Variants in DSCAML1 observed in about 807,000 individuals in gnomAD.
DSCAML1 encodes the protein DS cell adhesion molecule like 1.
Under a neutral mutation model 200.5 loss-of-function variants are expected in DSCAML1, and 38 were observed. The ratio of observed to expected loss-of-function variants is 0.19; its 90% confidence interval spans 0.15 to 0.25. The LOEUF (loss-of-function observed/expected upper bound fraction) is 0.25. Among genes scored for constraint, DSCAML1 ranks in the 10% least tolerant of loss-of-function variants. The pLI is 1.00. For synonymous variants in DSCAML1, 1,215 were observed against 1,165.0 expected, an observed-to-expected ratio of 1.04 and a Z score of -0.87; for missense variants, 2,223 against 2,858.8, an observed-to-expected ratio of 0.78 and a Z score of 5.07.
At chr11:117,500,151 C>G (rs2137266469) in intron 11 of DSCAML1, among the ~76,000 whole-genome samples, 1 of 152,352 alleles carries the variant, frequency 6.6e-6, no homozygotes, top group South Asian at 2.1e-4. Flanking sequence ...TGGCCCTTGT[C>G]CAAATACTTC....
At chr11:117,467,482 CAATT>C (rs978097648) in intron 16 of DSCAML1, among the ~76,000 whole-genome samples, 5 of 151,926 alleles carry the variant, frequency 3.3e-5, no homozygotes, top group African/African-American at 4.8e-5. Flanking sequence ...GAGATAAAAA[CAATT>C]AAGTTAGTAA....
intron 3 of DSCAML1, among the ~76,000 whole-genome samples, chr11:117,560,228 G>C (rs2050636495): frequency 6.6e-6 from 1 of 152,104 alleles, no homozygotes; most frequent in South Asian, 2.1e-4. Context: ...CATTTGTTGA[G>C]TGCCTACTTT....
intron 3 of DSCAML1, among the ~76,000 whole-genome samples, chr11:117,757,765 C>A (rs1353828883): frequency 6.6e-6 from 1 of 151,882 alleles, no homozygotes; most frequent in African/African-American, 2.4e-5. Context: ...CTGAGGCGGG[C>A]GGATCACCTG....
At chr11:117,644,933 A>G (rs1287153728) in intron 3 of DSCAML1, among the ~76,000 whole-genome samples, 1 of 152,306 alleles carries the variant, frequency 6.6e-6, no homozygotes, top group Non-Finnish European at 1.5e-5. Flanking sequence ...AGGAAAGAAA[A>G]AGCACACTCA....
chr11:117,626,011 T>C (rs1186932618), intron 3 of DSCAML1, among the ~76,000 whole-genome samples: 1 of 152,230 alleles, frequency 6.6e-6, no homozygotes, highest in Non-Finnish European at 1.5e-5. Flanking sequence ...TGTCTCCAGG[T>C]AGGTTCTATG....
chr11:117,780,274 A>AAG lies in DSCAML1; in HGVS notation c.364+217_364+218dup, dbSNP rs1192038019. Among the ~76,000 whole-genome samples the AAG allele has an allele frequency of 6.3e-5, 6 of 95,858 alleles. No individual in the cohort carries two copies. The highest frequency in any genetic ancestry group is 2.0e-4 in the African/African-American group (6 of 30,494). 62.9% of individuals were successfully genotyped at this position (95,858 alleles called of 152,430 possible). A position where few individuals can be genotyped will look rare whatever the true frequency, so the allele number is the denominator to read the frequency against. Reference sequence around the variant, plus strand: ...AAAGAAAGAAAGAAAGAAAGAAAGAAAGAAAGAAAGAAAGAAAGAAAGAAA... The same window carrying AAG: ...AAAGAAAGAAAGAAAGAAAGAAAGAAAGAGAAAGAAAGAAAGAAAGAAAGAAA... On this transcript the variant is annotated intron_variant, in intron 2 of 32. Transcript: ENST00000651296. This position sits in a 1 kb window ranked among gnomAD's most constrained non-coding sequence, Gnocchi z 4.8.
At chr11:117,446,061 T>C (rs2048171746) in intron 20 of DSCAML1, among the ~76,000 whole-genome samples, 1 of 152,122 alleles carries the variant, frequency 6.6e-6, no homozygotes, top group Admixed American at 6.5e-5. Context: ...AAAACTATGA[T>C]ACATCAAAAA....
In DSCAML1 at chr11:117,504,105, C is replaced by G. The variant is rs2049447229; in HGVS notation, c.2183-84G>C. Reference sequence around the variant, plus strand: ...CCCCAGGAGTGGCCCTGACACCTCGCTCTTGCAGATCTAGGGCCATTTTGT... The same window carrying G: ...CCCCAGGAGTGGCCCTGACACCTCGGTCTTGCAGATCTAGGGCCATTTTGT... On this transcript the variant is annotated intron_variant, in intron 10 of 32. Transcript: ENST00000651296. The surrounding 1 kb of genome is among the most constrained non-coding windows in gnomAD (Gnocchi z 5.0). 3.4e-6 allele frequency: 5 copies of G among 1,491,670 alleles called. No homozygotes were observed. Among genetic ancestry groups the G allele is most frequent in the Non-Finnish European group, 4.6e-6 (5 of 1,093,860 alleles). The allele number at this position is 1,491,670 out of a possible 1,614,324, so 92.4% of individuals were successfully genotyped here.
intron 3 of DSCAML1, among the ~76,000 whole-genome samples, chr11:117,742,787 AG>A (rs1293795512): frequency 6.6e-6 from 1 of 151,666 alleles, no homozygotes; most frequent in African/African-American, 2.4e-5. Context: ...AAATATTTGG[AG>A]GAGAAGGCTG....
intron 3 of DSCAML1, among the ~76,000 whole-genome samples, chr11:117,591,870 T>A (rs1478667915): frequency 6.6e-6 from 1 of 152,198 alleles, no homozygotes; most frequent in Non-Finnish European, 1.5e-5. Context: ...CCTCACCAGG[T>A]CAGCCCAGGC....
In DSCAML1 at chr11:117,740,086, C is replaced by A. The variant is rs571979613; in HGVS notation, c.511+36705G>T. Among the ~76,000 whole-genome samples the A allele has an allele frequency of 1.9e-3, 282 of 152,152 alleles. 2 individuals are homozygous for A. Among genetic ancestry groups the A allele is most frequent in the Non-Finnish European group, 3.0e-3 (206 of 68,046 alleles). ...AACCAGATGTAGGCAAGAGAATGGG[C>A]ACCTTCAAGAGAGAGGGGCTCCTTG... is the stretch of plus-strand genomic sequence containing the variant. On this transcript the variant is annotated intron_variant, in intron 3 of 32. Coordinates refer to ENST00000651296, the MANE Select transcript of DSCAML1 (RefSeq NM_020693.4).
At chr11:117,663,147 C>T (rs1006217425) in intron 3 of DSCAML1, among the ~76,000 whole-genome samples, 1 of 152,184 alleles carries the variant, frequency 6.6e-6, no homozygotes, top group African/African-American at 2.4e-5. Context: ...CTCTCAGACC[C>T]ATGGCATTGC....
intron 17 of DSCAML1, 29 bp downstream of exon 17, chr11:117,464,913 T>C: frequency 6.2e-7 from 1 of 1,607,688 alleles, no homozygotes; most frequent in Non-Finnish European, 8.5e-7. Flanking sequence ...CAGGAATCTG[T>C]GCCCACTCCC....
intron 3 of DSCAML1, among the ~76,000 whole-genome samples, chr11:117,601,009 C>T (rs1329152802): frequency 6.6e-6 from 1 of 152,182 alleles, no homozygotes; most frequent in African/African-American, 2.4e-5. Context: ...CCCACCTCCT[C>T]AGCTGGATTT....
chr11:117,558,319 G>A (rs479591), intron 3 of DSCAML1, among the ~76,000 whole-genome samples: 98,075 of 152,002 alleles, frequency 0.65, 32,942 homozygotes, highest in African/African-American at 0.84. Context: ...CCCAAAACAT[G>A]GAAATAAAGG....
At chr11:117,793,770 T>C (rs1176312946) in intron 1 of DSCAML1, among the ~76,000 whole-genome samples, 1 of 152,234 alleles carries the variant, frequency 6.6e-6, no homozygotes, top group Non-Finnish European at 1.5e-5. Context: ...CCTTTGGGTC[T>C]ACTGCTTACT....
At chr11:117,755,530 C>T (rs571354379) in intron 3 of DSCAML1, among the ~76,000 whole-genome samples, 10 of 152,336 alleles carry the variant, frequency 6.6e-5, no homozygotes, top group Admixed American at 2.6e-4. Context: ...CCCTTTCCTA[C>T]CCCAGAGCTT....
intron 3 of DSCAML1, among the ~76,000 whole-genome samples, chr11:117,730,964 A>G (rs1469600522): frequency 1.3e-5 from 2 of 152,178 alleles, no homozygotes; most frequent in Non-Finnish European, 2.9e-5. Flanking sequence ...AACTATACAG[A>G]CACAGATTAG....
chr11:117,480,315 G>C lies in DSCAML1; in HGVS notation c.2785+128C>G. On this transcript the variant is annotated intron_variant, in intron 14 of 32. Transcript: ENST00000651296. The surrounding 1 kb of genome is among the most constrained non-coding windows in gnomAD (Gnocchi z 4.1). Reference sequence around the variant, plus strand: ...CACAGCTGCTTGTGCACTGGTGGGTGCTTGTGTGTCTAGCTTGGATGGGCA... The same window carrying C: ...CACAGCTGCTTGTGCACTGGTGGGTCCTTGTGTGTCTAGCTTGGATGGGCA... The C allele has an allele frequency of 7.2e-7, 1 of 1,391,922 alleles. No individual in the cohort carries two copies. The highest frequency in any genetic ancestry group is 2.5e-5 in the East Asian group (1 of 39,636). The allele number at this position is 1,391,922 out of a possible 1,614,324, so 86.2% of individuals were successfully genotyped here. A position where few individuals can be genotyped will look rare whatever the true frequency, so the allele number is the denominator to read the frequency against.
Sources: allele counts gnomAD v4.1 joint callset (sites outside exome capture counted in the v4.1 genomes callset), GRCh38; gene constraint gnomAD v4.1.1; non-coding constraint Gnocchi (gnomAD v3.1); transcripts MANE v1.5; gene names NCBI Gene and HGNC (gene_info 2026-07-23, HGNC 2026-07-21).